The following CHST11 variants were observed in gnomAD, a reference collection of about 807,000 sequenced individuals.
CHST11 encodes the protein C4S-1.
Under a neutral mutation model 30.4 loss-of-function variants are expected in CHST11, and 9 were observed. The ratio of observed to expected loss-of-function variants is 0.30; its 90% CI spans 0.18 to 0.52. CHST11 has a LOEUF of 0.52. Ranked by LOEUF, CHST11 falls within the 20% of genes least tolerant of loss-of-function variation. CHST11 has a pLI of 0.97. For synonymous variants in CHST11, 152 were observed against 187.8 expected, an observed-to-expected ratio of 0.81 and a Z score of 1.56; for missense variants, 348 against 460.6, an observed-to-expected ratio of 0.76 and a Z score of 2.24.
intron 2 of CHST11, among the ~76,000 whole-genome samples, chr12:104,705,048 C>T (rs1349145597): frequency 6.6e-6 from 1 of 152,174 alleles, no homozygotes; most frequent in East Asian, 1.9e-4. Context: ...AACTCTCCTT[C>T]CCCTCAGAGA....
At chr12:104,666,882 C>T (rs1592827036) in intron 2 of CHST11, among the ~76,000 whole-genome samples, 1 of 151,766 alleles carries the variant, frequency 6.6e-6, no homozygotes. Flanking sequence ...ACAGATAAGT[C>T]GTTGCCCCTT....
At chr12:104,700,639 C>T (rs1044856303) in intron 2 of CHST11, among the ~76,000 whole-genome samples, 1 of 152,112 alleles carries the variant, frequency 6.6e-6, no homozygotes, top group Non-Finnish European at 1.5e-5. Flanking sequence ...TAGCGTGGTA[C>T]CTGGCACCTG....
chr12:104,547,397 T>C (rs978729013), intron 1 of CHST11, among the ~76,000 whole-genome samples: 5 of 152,146 alleles, frequency 3.3e-5, no homozygotes, highest in Non-Finnish European at 7.4e-5. Flanking sequence ...TTGTGTCGTC[T>C]CAGAGCTAAG....
At chr12:104,606,847 C>A (rs1469004271) in intron 2 of CHST11, among the ~76,000 whole-genome samples, 2 of 152,110 alleles carry the variant, frequency 1.3e-5, no homozygotes, top group Admixed American at 1.3e-4. Flanking sequence ...GTGGGCAGAT[C>A]ACCTGAGATC....
intron 1 of CHST11, among the ~76,000 whole-genome samples, chr12:104,481,399 G>A (rs143933616): frequency 1.2e-3 from 190 of 152,190 alleles, no homozygotes; most frequent in Non-Finnish European, 1.8e-3. Flanking sequence ...CTTCCCAGTT[G>A]GGTGCGCTGG....
intron 2 of CHST11, among the ~76,000 whole-genome samples, chr12:104,615,743 A>G (rs893128444): frequency 2.6e-5 from 4 of 152,166 alleles, no homozygotes; most frequent in Non-Finnish European, 5.9e-5. Flanking sequence ...TCTGGCCAAC[A>G]TGGTGGAAAC....
At chr12:104,733,761 T>A (rs1465663076) in intron 2 of CHST11, among the ~76,000 whole-genome samples, 1 of 152,234 alleles carries the variant, frequency 6.6e-6, no homozygotes, top group Non-Finnish European at 1.5e-5. Flanking sequence ...AGAACCAGAT[T>A]CAACCCAGGG....
intron 2 of CHST11, among the ~76,000 whole-genome samples, chr12:104,755,069 A>G (rs777110539): frequency 2.0e-5 from 3 of 152,212 alleles, no homozygotes; most frequent in Non-Finnish European, 4.4e-5. Context: ...GGTGGCTACC[A>G]TGATGCCCCT....
intron 2 of CHST11, among the ~76,000 whole-genome samples, chr12:104,631,692 A>G (rs1320729094): frequency 6.6e-6 from 1 of 152,214 alleles, no homozygotes; most frequent in Non-Finnish European, 1.5e-5. Flanking sequence ...CTTTGCTCTC[A>G]GGACTGGCTA....
chr12:104,608,485 C>A (rs988001571), intron 2 of CHST11, among the ~76,000 whole-genome samples: 2 of 152,104 alleles, frequency 1.3e-5, no homozygotes, highest in Non-Finnish European at 2.9e-5. Context: ...AAGCACCATC[C>A]TATAAAATCC....
intron 2 of CHST11, among the ~76,000 whole-genome samples, chr12:104,651,654 C>T (rs1262460139): frequency 6.6e-6 from 1 of 152,180 alleles, no homozygotes; most frequent in Non-Finnish European, 1.5e-5. Flanking sequence ...GTGACCCACC[C>T]AAGGCCATTC....
intron 1 of CHST11, among the ~76,000 whole-genome samples, chr12:104,499,298 G>C (rs890023202): frequency 2.0e-5 from 3 of 152,138 alleles, no homozygotes; most frequent in Admixed American, 2.0e-4. Context: ...ATCAGAGTCC[G>C]GGTGAGGCCT....
chr12:104,715,698 C>T (rs1343192326), intron 2 of CHST11, among the ~76,000 whole-genome samples: 2 of 152,084 alleles, frequency 1.3e-5, no homozygotes, highest in Admixed American at 1.3e-4. Context: ...CAGGAGGGCC[C>T]CCACATGCAC....
At chr12:104,595,640 G>C (rs2038900767) in intron 1 of CHST11, among the ~76,000 whole-genome samples, 1 of 152,168 alleles carries the variant, frequency 6.6e-6, no homozygotes, top group Non-Finnish European at 1.5e-5. Flanking sequence ...TGGTGGCAGA[G>C]CCAGGGCTGG....
At chr12:104,756,859 T>A in intron 2 of CHST11, 90 bp from the exon 3 acceptor site, 2 of 1,460,336 alleles carry the variant, frequency 1.4e-6, no homozygotes, top group Non-Finnish European at 1.9e-6. Flanking sequence ...GATATGTGTT[T>A]GAACGGGTGG....
intron 1 of CHST11, among the ~76,000 whole-genome samples, chr12:104,466,596 C>T (rs2037461991): frequency 6.6e-6 from 1 of 152,210 alleles, no homozygotes; most frequent in Non-Finnish European, 1.5e-5. Flanking sequence ...CATCTAGAAC[C>T]TTAGCTTCAA....
chr12:104,530,638 A>G (rs1045090680), intron 1 of CHST11, among the ~76,000 whole-genome samples: 1 of 152,214 alleles, frequency 6.6e-6, no homozygotes, highest in South Asian at 2.1e-4. Flanking sequence ...AATGTAGGTT[A>G]AGCACTTGCT....
At chr12:104,476,115 AATAAT>A (rs1325006158) in intron 1 of CHST11, among the ~76,000 whole-genome samples, 1 of 109,254 alleles carries the variant, frequency 9.2e-6, no homozygotes, top group Non-Finnish European at 1.9e-5. Flanking sequence ...AAATATAAAT[AATAAT>A]ATATAATATA....
intron 1 of CHST11, among the ~76,000 whole-genome samples, chr12:104,519,822 T>C (rs1402227004): frequency 3.3e-5 from 5 of 152,232 alleles, no homozygotes; most frequent in Non-Finnish European, 5.9e-5. Context: ...ATGGGATGAT[T>C]TCCTGTGCTG....
Sources: allele counts gnomAD v4.1 joint callset (sites outside exome capture counted in the v4.1 genomes callset), GRCh38; gene constraint gnomAD v4.1.1; transcripts MANE v1.5; gene names NCBI Gene and HGNC (gene_info 2026-07-23, HGNC 2026-07-21).